Variants in HECW2 observed in about 807,000 individuals in gnomAD.
HECW2 encodes the protein HECT, C2 and WW domain containing E3 ubiquitin protein ligase 2, also known as E3 ubiquitin-protein ligase HECW2.
In HECW2, 61 loss-of-function variants were observed where a neutral mutation model predicts 175.2. The ratio of observed to expected loss-of-function variants is 0.35; its 90% CI spans 0.28 to 0.43. The LOEUF (loss-of-function observed/expected upper bound fraction) is 0.43, where lower values mean the gene tolerates loss of function less well. Ranked by LOEUF, HECW2 falls within the 20% of genes least tolerant of loss-of-function variation. The pLI is 1.00. For missense variants in HECW2, 1,524 were observed against 2,000.5 expected (o/e 0.76, Z 4.54); for synonymous variants, 671 against 731.0 (o/e 0.92, Z 1.32).
intron 17 of HECW2, among the ~76,000 whole-genome samples, chr2:196,259,306 A>C (rs547470339): frequency 2.0e-5 from 3 of 152,304 alleles, no homozygotes; most frequent in East Asian, 3.9e-4. Context: ...CCAAATTTGA[A>C]ATATTTTTCT....
At chr2:196,247,570 T>C (rs941011990) in intron 19 of HECW2, among the ~76,000 whole-genome samples, 3 of 152,200 alleles carry the variant, frequency 2.0e-5, no homozygotes, top group African/African-American at 7.2e-5. Context: ...GCTAATACTG[T>C]GCAGGAAAAA....
chr2:196,315,596 G>GT, intron 10 of HECW2, among the ~76,000 whole-genome samples: 1 of 152,214 alleles, frequency 6.6e-6, no homozygotes, highest in Non-Finnish European at 1.5e-5. Context: ...GAGTCACTAA[G>GT]TTGCCTTTAC....
chr2:196,526,117 A>G (rs1488208858), intron 1 of HECW2, among the ~76,000 whole-genome samples: 2 of 30,724 alleles, frequency 6.5e-5, no homozygotes, highest in African/African-American at 1.6e-4. Flanking sequence ...AGGTACACCA[A>G]TCAGACGTAG....
chr2:196,580,612 C>T (rs936160470), intron 1 of HECW2, among the ~76,000 whole-genome samples: 1 of 145,918 alleles, frequency 6.9e-6, no homozygotes, highest in East Asian at 2.0e-4. Context: ...GAAATACAAA[C>T]GAAAACCTTA....
intron 14 of HECW2, among the ~76,000 whole-genome samples, chr2:196,279,739 A>T (rs1690116589): frequency 6.6e-6 from 1 of 152,132 alleles, no homozygotes; most frequent in Admixed American, 6.5e-5. Flanking sequence ...ACACACCCAT[A>T]CAAACTCATC....
chr2:196,489,276 T>C (rs1022661552), intron 1 of HECW2, among the ~76,000 whole-genome samples: 1 of 152,214 alleles, frequency 6.6e-6, no homozygotes, highest in Non-Finnish European at 1.5e-5. Context: ...AGGAGGTTTT[T>C]CAAGGACTGA....
At chr2:196,386,441 G>T (rs1175174978) in intron 2 of HECW2, among the ~76,000 whole-genome samples, 1 of 152,178 alleles carries the variant, frequency 6.6e-6, no homozygotes, top group Non-Finnish European at 1.5e-5. Flanking sequence ...GAGGGAGCTT[G>T]CTAACATGCT....
chr2:196,552,428 T>C (rs1026954696), intron 1 of HECW2, among the ~76,000 whole-genome samples: 1 of 152,146 alleles, frequency 6.6e-6, no homozygotes, highest in African/African-American at 2.4e-5. Context: ...TCCTCAAAAT[T>C]TCCACACAGC....
intron 2 of HECW2, among the ~76,000 whole-genome samples, chr2:196,421,149 G>T (rs1575524428): frequency 6.6e-6 from 1 of 152,018 alleles, no homozygotes; most frequent in Admixed American, 6.6e-5. Flanking sequence ...TCCATTGAGG[G>T]TATAAAAATA....
intron 1 of HECW2, among the ~76,000 whole-genome samples, chr2:196,497,154 G>A (rs2125396565): frequency 6.6e-6 from 1 of 152,228 alleles, no homozygotes; most frequent in African/African-American, 2.4e-5. Flanking sequence ...AAGATCTATA[G>A]GTTCCCCCAA....
intron 13 of HECW2, among the ~76,000 whole-genome samples, chr2:196,305,044 C>T (rs1253749972): frequency 6.6e-6 from 1 of 152,204 alleles, no homozygotes; most frequent in African/African-American, 2.4e-5. Flanking sequence ...TCTATGGCCC[C>T]TTCCATGTGC....
intron 1 of HECW2, among the ~76,000 whole-genome samples, chr2:196,537,761 C>T (rs1434041144): frequency 1.3e-5 from 2 of 152,026 alleles, no homozygotes; most frequent in Non-Finnish European, 2.9e-5. Flanking sequence ...CCAGATATCC[C>T]GATATCTGGA....
chr2:196,505,004 T>C (rs1443730365), intron 1 of HECW2, among the ~76,000 whole-genome samples: 1 of 152,142 alleles, frequency 6.6e-6, no homozygotes, highest in Non-Finnish European at 1.5e-5. Flanking sequence ...TAATACAATG[T>C]TACTGTCATT....
chr2:196,534,905 T>C (rs1337593882), intron 1 of HECW2, among the ~76,000 whole-genome samples: 1 of 152,170 alleles, frequency 6.6e-6, no homozygotes, highest in Admixed American at 6.6e-5. Context: ...TGCCACTTAG[T>C]TCTCCACATC....
chr2:196,248,415 C>T (rs1482363718), intron 19 of HECW2, among the ~76,000 whole-genome samples: 1 of 152,102 alleles, frequency 6.6e-6, no homozygotes, highest in Non-Finnish European at 1.5e-5. Flanking sequence ...ACAACTTCCC[C>T]ATCCCTACCC....
intron 1 of HECW2, among the ~76,000 whole-genome samples, chr2:196,491,222 G>A (rs1405140857): frequency 6.6e-6 from 1 of 151,962 alleles, no homozygotes; most frequent in African/African-American, 2.4e-5. Context: ...AATGTTGGCG[G>A]GTGCAGTGGC....
At chr2:196,389,395 T>G (rs1418104745) in intron 2 of HECW2, among the ~76,000 whole-genome samples, 1 of 152,182 alleles carries the variant, frequency 6.6e-6, no homozygotes, top group Non-Finnish European at 1.5e-5. Context: ...GGGCTCCTGG[T>G]CAAATACGAC....
At chr2:196,389,763 G>T (rs1343750819) in intron 2 of HECW2, among the ~76,000 whole-genome samples, 1 of 152,128 alleles carries the variant, frequency 6.6e-6, no homozygotes, top group Non-Finnish European at 1.5e-5. Context: ...ATCATCACAA[G>T]TTTTCTTGGT....
intron 2 of HECW2, among the ~76,000 whole-genome samples, chr2:196,412,851 C>CT (rs1695152141): frequency 6.6e-6 from 1 of 152,180 alleles, no homozygotes; most frequent in Non-Finnish European, 1.5e-5. Context: ...CATATGAAAT[C>CT]CTTTTACCCC....
Sources: allele counts gnomAD v4.1 joint callset (sites outside exome capture counted in the v4.1 genomes callset), GRCh38; gene constraint gnomAD v4.1.1; transcripts MANE v1.5; gene names NCBI Gene and HGNC (gene_info 2026-07-23, HGNC 2026-07-21).